The following DTNA variants were observed in gnomAD, a reference collection of about 807,000 sequenced individuals.
DTNA encodes dystrophin-related protein 3.
DTNA carries 43 observed loss-of-function variants against 100.7 expected under a neutral mutation model. The ratio of observed to expected loss-of-function variants is 0.43; its 90% CI spans 0.33 to 0.55. DTNA has a LOEUF of 0.55. Among genes scored for constraint, DTNA ranks in the 20% least tolerant of loss-of-function variants. DTNA has a pLI of 0.04. For synonymous variants in DTNA, 349 were observed against 347.9 expected (o/e 1.00, Z -0.04); for missense variants, 798 against 953.9 (o/e 0.84, Z 2.15).
At chr18:34,655,705 A>T (rs979335436) in intron 1 of DTNA, among the ~76,000 whole-genome samples, 2 of 152,202 alleles carry the variant, frequency 1.3e-5, no homozygotes, top group African/African-American at 4.8e-5. Context: ...AATTAATAAG[A>T]CAGTAATATT....
chr18:34,499,686 A>G lies in DTNA; in HGVS notation c.-2+6172A>G, dbSNP rs143241118. The stretch of plus-strand genomic sequence containing the variant: ...TAGCCATTCTGATAGGTGTGTAGCA[A>G]TATTTCATTGTGATTTCAATTTGCA... On this transcript the variant is annotated intron_variant, in intron 1 of 19. Coordinates refer to the DTNA transcript ENST00000283365. Among the ~76,000 whole-genome samples, 897 of 152,322 alleles carry G rather than the reference A, an allele frequency of 5.9e-3. 11 individuals carry two copies. Among genetic ancestry groups the G allele is most frequent in the African/African-American group, 0.02 (830 of 41,568 alleles).
chr18:34,655,372 C>T (rs542534499), intron 1 of DTNA, among the ~76,000 whole-genome samples: 2 of 152,286 alleles, frequency 1.3e-5, no homozygotes, highest in East Asian at 3.9e-4. Context: ...CCCCACCTCC[C>T]ACCTCCACTT....
intron 1 of DTNA, among the ~76,000 whole-genome samples, chr18:34,578,790 T>C (rs2048354275): frequency 6.6e-6 from 1 of 152,192 alleles, no homozygotes; most frequent in Non-Finnish European, 1.5e-5. Flanking sequence ...TATTTGGGTT[T>C]ATTTCTGGGT....
chr18:34,510,627 T>A (rs2040978035), intron 1 of DTNA, among the ~76,000 whole-genome samples: 1 of 149,970 alleles, frequency 6.7e-6, no homozygotes, highest in African/African-American at 2.5e-5. Flanking sequence ...CCATTCTTTT[T>A]TTTTTTTTTT....
chr18:34,833,085 T>C (rs1323005307), intron 11 of DTNA, among the ~76,000 whole-genome samples: 2 of 152,346 alleles, frequency 1.3e-5, no homozygotes, highest in East Asian at 1.9e-4. Flanking sequence ...TATATTAATA[T>C]AATTTGTTTC....
intron 7 of DTNA, among the ~76,000 whole-genome samples, chr18:34,816,709 G>A (rs934150808): frequency 3.3e-5 from 5 of 152,062 alleles, no homozygotes; most frequent in Admixed American, 6.6e-5. Flanking sequence ...CAGACTTGAC[G>A]AGGAAATAAT....
intron 1 of DTNA, among the ~76,000 whole-genome samples, chr18:34,738,145 C>T (rs1201435555): frequency 6.6e-6 from 1 of 152,082 alleles, no homozygotes; most frequent in Non-Finnish European, 1.5e-5. Flanking sequence ...TATGAGTGAA[C>T]ACAGAGACAT....
chr18:34,861,027 T>A (rs1483247047), intron 16 of DTNA, among the ~76,000 whole-genome samples: 1 of 152,120 alleles, frequency 6.6e-6, no homozygotes, highest in Non-Finnish European at 1.5e-5. Context: ...TAGAAAAAAA[T>A]TTGTATAATT....
In DTNA at chr18:34,882,052, C is replaced by A; in HGVS notation, c.2163-17C>A. 6.2e-7 allele frequency: 1 copy of A among 1,614,032 alleles called. No homozygotes were observed. The highest frequency in any genetic ancestry group is 8.5e-7 in the Non-Finnish European group (1 of 1,179,934). ...TTTAAGATTTGCTCTAACATGTCAT[C>A]TGTGGTTTATTTTCAGGGTTACGGA... is the stretch of plus-strand genomic sequence containing the variant. On this transcript the variant is annotated splice_polypyrimidine_tract_variant and intron_variant, in intron 20 of 22. Coordinates refer to ENST00000444659, the MANE Select transcript of DTNA (RefSeq NM_001386795.1).
intron 11 of DTNA, among the ~76,000 whole-genome samples, chr18:34,833,375 G>A (rs1009022976): frequency 3.3e-5 from 5 of 151,156 alleles, no homozygotes; most frequent in African/African-American, 1.2e-4. Flanking sequence ...TTTTGAGATT[G>A]TTCTACTTTT....
chr18:34,649,177 A>G (rs184833909), intron 1 of DTNA, among the ~76,000 whole-genome samples: 1 of 152,304 alleles, frequency 6.6e-6, no homozygotes, highest in African/African-American at 2.4e-5. Context: ...TTCTTGGGTT[A>G]CAAACTTATC....
At chr18:34,777,804 T>A (rs550558032) in intron 3 of DTNA, among the ~76,000 whole-genome samples, 1 of 152,288 alleles carries the variant, frequency 6.6e-6, no homozygotes, top group African/African-American at 2.4e-5. Flanking sequence ...ACTTGGCACA[T>A]AGGGATTACA....
intron 1 of DTNA, among the ~76,000 whole-genome samples, chr18:34,556,535 T>C (rs2046073554): frequency 6.6e-6 from 1 of 152,156 alleles, no homozygotes; most frequent in South Asian, 2.1e-4. Context: ...TGTTTAGTGC[T>C]TCCTTCAGGA....
intron 1 of DTNA, among the ~76,000 whole-genome samples, chr18:34,563,993 G>A (rs943768281): frequency 2.6e-5 from 4 of 151,342 alleles, no homozygotes; most frequent in Non-Finnish European, 4.4e-5. Flanking sequence ...AGTGAGGATG[G>A]TTGAGATCTA....
intron 1 of DTNA, among the ~76,000 whole-genome samples, chr18:34,626,689 A>G (rs1240379686): frequency 1.3e-5 from 2 of 152,142 alleles, no homozygotes; most frequent in Non-Finnish European, 1.5e-5. Context: ...ACAGTAATAG[A>G]TATTAGTGAT....
At chr18:34,663,854 T>G (rs542536491) in intron 1 of DTNA, among the ~76,000 whole-genome samples, 4 of 152,326 alleles carry the variant, frequency 2.6e-5, no homozygotes. Flanking sequence ...AGTAATTTTT[T>G]GTTATCAAAA....
At position 34,519,960 on chromosome 18, in the gene DTNA, A is replaced by T. The variant is rs541425977; in HGVS notation, c.-2+26446A>T. 2.6e-5 allele frequency among the ~76,000 whole-genome samples: 4 copies of T among 152,290 alleles called. No individual in the cohort carries two copies. In the East Asian group the frequency reaches 5.8e-4, roughly 22 times the overall value. Reference sequence around the variant, plus strand: ...TTTCTGAAATACCATAGTACCTATAACTCACATTGTAATGTTTACTTGCAT... The same window carrying T: ...TTTCTGAAATACCATAGTACCTATATCTCACATTGTAATGTTTACTTGCAT... On this transcript the variant is annotated intron_variant, in intron 1 of 19. Coordinates refer to the DTNA transcript ENST00000283365.
intron 3 of DTNA, among the ~76,000 whole-genome samples, chr18:34,770,784 C>T (rs76553035): frequency 1.2e-4 from 16 of 132,878 alleles, no homozygotes; most frequent in East Asian, 2.2e-4. Context: ...GAATTATATT[C>T]TTTTTTTTTT....
intron 3 of DTNA, among the ~76,000 whole-genome samples, chr18:34,788,923 A>G (rs1419262547): frequency 6.6e-6 from 1 of 152,186 alleles, no homozygotes; most frequent in Non-Finnish European, 1.5e-5. Flanking sequence ...TTTATCACAA[A>G]TAGCTCATTT....
Sources: gnomAD v4.1 joint callset for allele counts (sites outside exome capture counted in the v4.1 genomes callset) on GRCh38, gnomAD v4.1.1 for gene constraint, MANE v1.5 for transcripts, NCBI Gene and HGNC (gene_info 2026-07-23, HGNC 2026-07-21) for gene names.